MAP3K13: variants seen among roughly 807,000 people sequenced by gnomAD.
The protein encoded by MAP3K13 is mitogen-activated protein kinase kinase kinase 13.
A neutral mutation model predicts 104.0 loss-of-function variants in MAP3K13; 52 were observed. That is an observed-to-expected ratio of 0.50 (90% CI 0.40 to 0.63). MAP3K13 has a LOEUF of 0.63. Among genes scored for constraint, MAP3K13 ranks in the 20% least tolerant of loss-of-function variants. The pLI is 0.00. For missense variants in MAP3K13, 914 were observed against 1,218.5 expected, an observed-to-expected ratio of 0.75 and a Z score of 3.72; for synonymous variants, 394 against 442.2, an observed-to-expected ratio of 0.89 and a Z score of 1.37.
chr3:185,286,590 C>T (rs960412358), intron 2 of MAP3K13, among the ~76,000 whole-genome samples: 1 of 151,834 alleles, frequency 6.6e-6, no homozygotes, highest in Non-Finnish European at 1.5e-5. Flanking sequence ...CTTTGCAGCT[C>T]TTAGGATAAA....
At chr3:185,324,102 C>T (rs1428748214) in intron 2 of MAP3K13, among the ~76,000 whole-genome samples, 1 of 152,192 alleles carries the variant, frequency 6.6e-6, no homozygotes. Flanking sequence ...GCTCTGCCTC[C>T]TGGGTTCACG....
chr3:185,302,277 G>A (rs1018185140), intron 2 of MAP3K13, among the ~76,000 whole-genome samples: 1 of 151,996 alleles, frequency 6.6e-6, no homozygotes, highest in African/African-American at 2.4e-5. Flanking sequence ...GCTGAGTGTG[G>A]TGGTGCACAC....
intron 2 of MAP3K13, among the ~76,000 whole-genome samples, chr3:185,323,808 T>C (rs1365380066): frequency 6.6e-6 from 1 of 152,216 alleles, no homozygotes; most frequent in East Asian, 1.9e-4. Context: ...GTTCATAATT[T>C]GATTGCCAAT....
intron 3 of MAP3K13, among the ~76,000 whole-genome samples, chr3:185,441,291 T>C (rs1220895680): frequency 6.6e-6 from 1 of 152,198 alleles, no homozygotes; most frequent in Non-Finnish European, 1.5e-5. Flanking sequence ...TTAGTCTCCT[T>C]CCTCCTCCTC....
At position 185,454,337 on chromosome 3, in the gene MAP3K13, T is replaced by TATATATG. The variant is rs1716126670; in HGVS notation, c.1278+2944_1278+2950dup. On this transcript the variant is annotated intron_variant, in intron 7 of 13. Coordinates refer to ENST00000265026, the MANE Select transcript of MAP3K13 (RefSeq NM_004721.5). ...TGAGATATATATGAGATATATATGA[T>TATATATG]ATATATGAGATATATGAGATATATA... Among the ~76,000 whole-genome samples the TATATATG allele has an allele frequency of 2.8e-5, 2 of 71,176 alleles. 1 individual carries two copies. The highest frequency in any genetic ancestry group is 9.9e-5 in the African/African-American group (2 of 20,120). The allele number at this position is 71,176 out of a possible 152,430, so 46.7% of individuals were successfully genotyped here.
At chr3:185,377,554 G>A (rs1227436324) in intron 1 of MAP3K13, among the ~76,000 whole-genome samples, 1 of 144,102 alleles carries the variant, frequency 6.9e-6, no homozygotes, top group Non-Finnish European at 1.5e-5. Context: ...AACTAAAAAG[G>A]AGTGCATAAA....
chr3:185,331,673 A>C (rs1260247017), intron 2 of MAP3K13, among the ~76,000 whole-genome samples: 1 of 152,078 alleles, frequency 6.6e-6, no homozygotes, highest in Non-Finnish European at 1.5e-5. Flanking sequence ...CAACCATAGG[A>C]ATTTTTTGAA....
Position 185,477,744 on chromosome 3 carries a change from G to A in MAP3K13, c.2501+348G>A, listed in dbSNP as rs893010795. ...TGCCTCCCTGTGTTGGTCTGCTCAG[G>A]CTTCTGTAACAAACTGGATGCTTAA... On this transcript the variant is annotated intron_variant, in intron 12 of 13. Transcript: ENST00000265026. Among the ~76,000 whole-genome samples, 3 of 152,068 alleles carry A rather than the reference G, an allele frequency of 2.0e-5. No individual in the cohort carries two copies. In the South Asian group the frequency reaches 6.2e-4, roughly 32 times the overall value.
intron 2 of MAP3K13, among the ~76,000 whole-genome samples, chr3:185,345,945 A>C (rs1722906036): frequency 6.6e-6 from 1 of 151,490 alleles, no homozygotes; most frequent in Admixed American, 6.6e-5. Context: ...TTTTCAGGCT[A>C]TCTTGCTTAA....
At position 185,480,529 on chromosome 3, in the gene MAP3K13, G is replaced by A. The variant is rs201986940; in HGVS notation, c.2799G>A (p.Glu933=). The change falls in exon 13 of 14, where the codon GAG becomes GAA. Residue 933 remains glutamate (E), a splice_region_variant and synonymous_variant. Coordinates refer to ENST00000265026, the MANE Select transcript of MAP3K13 (RefSeq NM_004721.5). ...GKLCVEERGY[E]NPMQFEESDC... ...TGTGTGTGGAGGAACGTGGCTATGA[G>A]GTGGGGGCTTCTCCCTTCTCCTCCC... 121 of 1,611,318 alleles carry A rather than the reference G, an allele frequency of 7.5e-5. No homozygotes were observed. Among genetic ancestry groups the A allele is most frequent in the Non-Finnish European group, 9.8e-5 (115 of 1,178,100 alleles).
intron 2 of MAP3K13, among the ~76,000 whole-genome samples, chr3:185,336,502 A>G (rs1238858166): frequency 6.6e-6 from 1 of 150,436 alleles, no homozygotes. Context: ...AGATGGCGCC[A>G]TTGCACTCCA....
rs140559533 is a variant in MAP3K13 at position 185,293,328 on chromosome 3, G to T, written c.-86+7685G>T. On this transcript the variant is annotated intron_variant, in intron 2 of 14. Coordinates refer to the MAP3K13 transcript ENST00000424227. ...AGATGGGGTTTCGCCATGTTGGCCA[G>T]GCTGGTCTCAAATTCCTGACCTCAG... 7.8e-4 allele frequency among the ~76,000 whole-genome samples: 118 copies of T among 152,020 alleles called. 1 individual carries two copies. Among genetic ancestry groups the T allele is most frequent in the Non-Finnish European group, 1.1e-3 (74 of 67,992 alleles).
intron 1 of MAP3K13, among the ~76,000 whole-genome samples, chr3:185,367,258 C>T (rs1385032803): frequency 6.6e-6 from 1 of 152,096 alleles, no homozygotes; most frequent in African/African-American, 2.4e-5. Flanking sequence ...GCTTCCACCT[C>T]CAGAGATTTA....
intron 1 of MAP3K13, among the ~76,000 whole-genome samples, chr3:185,371,487 T>C (rs1039443543): frequency 2.6e-5 from 4 of 152,346 alleles, no homozygotes; most frequent in Non-Finnish European, 4.4e-5. Context: ...TGCTGACAGA[T>C]GGTGATTGTC....
At chr3:185,356,770 C>G (rs1054710575) in intron 2 of MAP3K13, among the ~76,000 whole-genome samples, 1 of 152,036 alleles carries the variant, frequency 6.6e-6, no homozygotes, top group African/African-American at 2.4e-5. Context: ...TTGGAGCACT[C>G]GCTTCAGATG....
At chr3:185,291,833 T>A in intron 2 of MAP3K13, 1 of 1,296,838 alleles carries the variant, frequency 7.7e-7, no homozygotes, top group Non-Finnish European at 9.7e-7. Context: ...TCTCTTCAAT[T>A]TCCTTGGCCT....
At chr3:185,297,049 T>G (rs1296774496) in intron 2 of MAP3K13, among the ~76,000 whole-genome samples, 1 of 152,198 alleles carries the variant, frequency 6.6e-6, no homozygotes, top group Non-Finnish European at 1.5e-5. Context: ...ATCAAGAATT[T>G]GTTCTCTGGC....
chr3:185,417,786 A>G lies in MAP3K13; in HGVS notation c.-85-10711A>G, dbSNP rs567921577. The stretch of plus-strand genomic sequence containing the variant: ...TGGTGTTCCGGCGCATGGTCTTTGC[A>G]TATGGGTTTAGCTTCAACATGATTC... On this transcript the variant is annotated intron_variant, in intron 1 of 13. Transcript: ENST00000265026. The G allele has an allele frequency of 2.5e-6, 4 of 1,612,110 alleles. No homozygotes were observed. The South Asian group carries it at 4.4e-5, about 18-fold the overall frequency.
intron 10 of MAP3K13, among the ~76,000 whole-genome samples, chr3:185,468,620 C>G (rs1717596619): frequency 6.6e-6 from 1 of 152,192 alleles, no homozygotes; most frequent in African/African-American, 2.4e-5. Flanking sequence ...GAACACAAAC[C>G]AAGAATGTAT....
Sources: gnomAD v4.1 joint callset for allele counts (sites outside exome capture counted in the v4.1 genomes callset) on GRCh38, gnomAD v4.1.1 for gene constraint, MANE v1.5 for transcripts, NCBI Gene and HGNC (gene_info 2026-07-23, HGNC 2026-07-21) for gene names.